ATP8B4: variants seen among roughly 807,000 people sequenced by gnomAD.
ATP8B4 encodes ATPase phospholipid transporting 8B4 (putative), also known as probable phospholipid-transporting ATPase IM.
In ATP8B4, 133 loss-of-function variants were observed where a neutral mutation model predicts 145.6. The ratio of observed to expected loss-of-function variants is 0.91; its 90% CI spans 0.79 to 1.05. The LOEUF (loss-of-function observed/expected upper bound fraction) is 1.05, where lower values mean the gene tolerates loss of function less well. Among genes scored for constraint, ATP8B4 ranks in the 50% least tolerant of loss-of-function variants. The pLI, the probability that ATP8B4 is intolerant of heterozygous loss-of-function variation, is 0.00. For missense variants in ATP8B4, 1,458 were observed against 1,425.2 expected, an observed-to-expected ratio of 1.02 and a Z score of -0.37; for synonymous variants, 507 against 492.9, an observed-to-expected ratio of 1.03 and a Z score of -0.38.
At chr15:50,119,536 C>G (rs2057241119), upstream of ATP8B4, 1 of 152,180 alleles carries the variant, frequency 6.6e-6, no homozygotes, top group Non-Finnish European at 1.5e-5. Flanking sequence ...CTTGGGGAAA[C>G]AAAAGGAAAC....
intron 4 of ATP8B4, 92 bp from the exon 5 acceptor site, chr15:50,044,784 T>C: frequency 2.5e-6 from 2 of 808,068 alleles, no homozygotes; most frequent in Admixed American, 2.6e-5. Flanking sequence ...AATGGGGTTA[T>C]ATTGACTTAT....
upstream of ATP8B4, among the ~76,000 whole-genome samples, chr15:50,121,760 G>C (rs1239067120): frequency 6.6e-6 from 1 of 152,070 alleles, no homozygotes; most frequent in African/African-American, 2.4e-5. Flanking sequence ...AGAACGCCAG[G>C]TCTGTGTTTT....
chr15:49,901,146 A>G lies in ATP8B4; in HGVS notation c.2235T>C (p.Ile745=). The G allele has an allele frequency of 5.6e-6, 9 of 1,613,728 alleles. No individual in the cohort carries two copies. Among genetic ancestry groups the G allele is most frequent in the Non-Finnish European group, 7.6e-6 (9 of 1,179,714 alleles). The stretch of plus-strand genomic sequence containing the variant: ...AATCTCCTGTTATGGTTTCTTCTAC[A>G]ATAGAATCCAACTCCAGCTGCTGCT... ...EKKQQLELDS[I]VEETITGDYA... is the part of the protein sequence containing the mutation. Residue 745 remains isoleucine (I), a synonymous_variant, in exon 21 of 28, where the codon ATT becomes ATC. Coordinates refer to ENST00000284509, the MANE Select transcript of ATP8B4 (RefSeq NM_024837.4).
chr15:50,054,783 C>CAAAAAAAAAAAAAAAAAAAAA (rs55783703), intron 3 of ATP8B4, among the ~76,000 whole-genome samples: 3 of 81,838 alleles, frequency 3.7e-5, no homozygotes, highest in African/African-American at 5.0e-5. Flanking sequence ...GACTCCGCCT[C>CAAAAAAAAAAAAAAAAAAAAA]AAAAAAAAAA....
intron 14 of ATP8B4, among the ~76,000 whole-genome samples, chr15:49,941,386 T>C (rs2042152191): frequency 1.3e-5 from 2 of 152,108 alleles, no homozygotes; most frequent in South Asian, 2.1e-4. Flanking sequence ...AGAGAAAAAG[T>C]TTGACCTATT....
chr15:50,067,916 A>G (rs1361755601), intron 3 of ATP8B4, among the ~76,000 whole-genome samples: 1 of 152,216 alleles, frequency 6.6e-6, no homozygotes, highest in Non-Finnish European at 1.5e-5. Flanking sequence ...GGTATAGAGC[A>G]GGTATGTTGT....
intron 3 of ATP8B4, among the ~76,000 whole-genome samples, chr15:50,071,269 G>A (rs2053715466): frequency 1.3e-5 from 2 of 152,114 alleles, no homozygotes; most frequent in Admixed American, 6.5e-5. Context: ...ATGGCAAATT[G>A]TTAACATCTA....
intron 1 of ATP8B4, among the ~76,000 whole-genome samples, chr15:50,134,293 G>A (rs1448425933): frequency 1.3e-5 from 2 of 152,260 alleles, no homozygotes; most frequent in East Asian, 1.9e-4. Flanking sequence ...ACTATGGCAA[G>A]TAAACTATGC....
chr15:49,935,834 CA>C (rs1277883757), intron 14 of ATP8B4, among the ~76,000 whole-genome samples: 6 of 152,030 alleles, frequency 3.9e-5, no homozygotes, highest in African/African-American at 1.4e-4. Context: ...TAGGCATATC[CA>C]GTTTAATTTC....
upstream of ATP8B4, among the ~76,000 whole-genome samples, chr15:50,119,797 C>G (rs890095927): frequency 6.9e-5 from 8 of 115,736 alleles, no homozygotes; most frequent in South Asian, 1.2e-3. Flanking sequence ...AAGTTCAGCT[C>G]TCTTATGGAT....
At chr15:50,033,669 G>A (rs544648186) in intron 6 of ATP8B4, among the ~76,000 whole-genome samples, 175 of 152,216 alleles carry the variant, frequency 1.1e-3, no homozygotes, top group African/African-American at 4.2e-3. Context: ...TCAGGTAGTG[G>A]GCATAGTACT....
chr15:49,902,934 TAGAG>T (rs1350508087), intron 20 of ATP8B4, among the ~76,000 whole-genome samples: 2 of 152,212 alleles, frequency 1.3e-5, no homozygotes, highest in Admixed American at 1.3e-4. Context: ...GTTTTCCCCT[TAGAG>T]AGTAAAAACA....
intron 2 of ATP8B4, among the ~76,000 whole-genome samples, chr15:50,082,331 T>G (rs1445747222): frequency 1.3e-5 from 2 of 152,076 alleles, no homozygotes; most frequent in Non-Finnish European, 2.9e-5. Flanking sequence ...CTGCGGCTTC[T>G]GGAACTTATT....
chr15:49,920,461 G>A, intron 17 of ATP8B4, 51 bp from the exon 18 acceptor site: 1 of 1,520,570 alleles, frequency 6.6e-7, no homozygotes. Flanking sequence ...AATAAGCACA[G>A]AAATAACAAC....
intron 25 of ATP8B4, among the ~76,000 whole-genome samples, chr15:49,867,967 A>G (rs1224261103): frequency 6.6e-6 from 1 of 152,238 alleles, no homozygotes; most frequent in Admixed American, 6.5e-5. Context: ...TTGCAAAAAG[A>G]TATGAGACAT....
intron 1 of ATP8B4, among the ~76,000 whole-genome samples, chr15:50,142,670 G>A (rs1263294645): frequency 6.6e-6 from 1 of 152,164 alleles, no homozygotes; most frequent in African/African-American, 2.4e-5. Context: ...AGGTAGTAAT[G>A]AAAAGAGGCT....
rs1354788462 is a variant in ATP8B4, at chr15:50,007,103, AT to A, written c.435+3741del. On this transcript the variant is annotated intron_variant, in intron 7 of 27. Transcript: ENST00000284509. ...CATACAAATGCAGAACATAAAAAAA[AT>A]AAATAAATAAAAATAAATAAAAGGT... Among the ~76,000 whole-genome samples, 6 of 93,820 alleles carry A rather than the reference AT, an allele frequency of 6.4e-5. 1 individual carries two copies. The highest frequency in any genetic ancestry group is 3.0e-4 in the African/African-American group (5 of 16,436). 61.5% of individuals were successfully genotyped at this position (93,820 alleles called of 152,430 possible). A position where few individuals can be genotyped will look rare whatever the true frequency, so the allele number is the denominator to read the frequency against.
At chr15:49,897,123 G>A in intron 23 of ATP8B4, 169 bp downstream of exon 23, 2 of 625,550 alleles carry the variant, frequency 3.2e-6, no homozygotes, top group Non-Finnish European at 5.3e-6. Flanking sequence ...TTCTTCTTGG[G>A]TACAAAGCTC....
intron 12 of ATP8B4, 41 bp from the exon 13 acceptor site, chr15:49,972,831 A>G (rs1206422483): frequency 1.4e-5 from 22 of 1,588,648 alleles, no homozygotes; most frequent in African/African-American, 2.7e-5. Context: ...GAAATGCTCC[A>G]TTAATTTCAG....
Sources: allele counts gnomAD v4.1 joint callset (sites outside exome capture counted in the v4.1 genomes callset), GRCh38; gene constraint gnomAD v4.1.1; transcripts MANE v1.5; gene names NCBI Gene and HGNC (gene_info 2026-07-23, HGNC 2026-07-21).